Variants in IQSEC1 observed in about 807,000 individuals in gnomAD.
IQSEC1 encodes IQ motif and SEC7 domain-containing protein 1.
IQSEC1 carries 31 observed loss-of-function variants against 91.0 expected under a neutral mutation model. The observed-to-expected ratio is 0.34, with a 90% CI of 0.26 to 0.46. The LOEUF is 0.46. Among genes scored for constraint, IQSEC1 ranks in the 20% least tolerant of loss-of-function variants. The pLI, the probability that IQSEC1 is intolerant of heterozygous loss-of-function variation, is 1.00. For synonymous variants in IQSEC1, 699 were observed against 662.6 expected (o/e 1.05, Z -0.84); for missense variants, 1,388 against 1,575.6 (o/e 0.88, Z 2.02).
intron 1 of IQSEC1, among the ~76,000 whole-genome samples, chr3:13,236,852 C>A (rs1694937996): frequency 6.6e-6 from 1 of 152,230 alleles, no homozygotes; most frequent in African/African-American, 2.4e-5. Flanking sequence ...GCCCCACCCC[C>A]ACCCAGGGTA....
At chr3:13,263,118 T>C (rs994033871) in intron 1 of IQSEC1, among the ~76,000 whole-genome samples, 5 of 152,154 alleles carry the variant, frequency 3.3e-5, no homozygotes, top group African/African-American at 4.8e-5. Context: ...GGTGCAGTGG[T>C]ACATGCATGT....
chr3:12,997,361 C>T (rs184367810), intron 1 of IQSEC1, among the ~76,000 whole-genome samples: 9 of 152,164 alleles, frequency 5.9e-5, no homozygotes, highest in African/African-American at 9.7e-5. Flanking sequence ...ATATGTGAGG[C>T]GCTTTTACTT....
upstream of IQSEC1, among the ~76,000 whole-genome samples, chr3:13,074,924 TG>T (rs1262877964): frequency 6.6e-6 from 1 of 151,988 alleles, no homozygotes; most frequent in Admixed American, 6.6e-5. Flanking sequence ...GTGGCAGAGG[TG>T]GGACTAGGAC....
chr3:13,070,064 C>T (rs933989028), intron 1 of IQSEC1, among the ~76,000 whole-genome samples: 14 of 134,704 alleles, frequency 1.0e-4, no homozygotes, highest in Admixed American at 2.6e-4. Context: ...GTGGAAGTGG[C>T]GAAAATGGAG....
At chr3:13,186,833 T>C (rs1693941916) in intron 1 of IQSEC1, among the ~76,000 whole-genome samples, 1 of 152,132 alleles carries the variant, frequency 6.6e-6, no homozygotes, top group African/African-American at 2.4e-5. Context: ...GGAATGGTCT[T>C]ACCTGGATCC....
intron 1 of IQSEC1, among the ~76,000 whole-genome samples, chr3:12,961,321 G>A (rs1415362676): frequency 6.6e-6 from 1 of 152,222 alleles, no homozygotes; most frequent in African/African-American, 2.4e-5. Flanking sequence ...CTCACACATG[G>A]TGCAGGCCAT....
rs142644317 is a variant in IQSEC1, at chr3:13,030,845, G to T, written c.23+42147C>A. On this transcript the variant is annotated intron_variant, in intron 1 of 13. Coordinates refer to ENST00000613206, the MANE Select transcript of IQSEC1 (RefSeq NM_001134382.3). ...AGCATGAGGCGCAAAGCTGTGCCAC[G>T]CAGGCGTGGGATTCGCCTTACAACT... Among the ~76,000 whole-genome samples, 1,134 of 152,370 alleles carry T rather than the reference G, an allele frequency of 7.4e-3. 7 individuals carry two copies. The highest frequency in any genetic ancestry group is 0.011 in the Non-Finnish European group (752 of 68,042).
chr3:12,919,698 C>G (rs1229360153), intron 6 of IQSEC1, among the ~76,000 whole-genome samples: 2 of 152,260 alleles, frequency 1.3e-5, no homozygotes, highest in Non-Finnish European at 2.9e-5. Flanking sequence ...TCAACCCACC[C>G]TCAGCTCTTG....
At chr3:12,923,163 C>G (rs1197379695) in intron 4 of IQSEC1, among the ~76,000 whole-genome samples, 1 of 152,204 alleles carries the variant, frequency 6.6e-6, no homozygotes, top group Non-Finnish European at 1.5e-5. Flanking sequence ...GGAGCAGCGG[C>G]CCTGCAGATG....
At chr3:13,246,650 T>A (rs565315177) in intron 1 of IQSEC1, among the ~76,000 whole-genome samples, 2 of 152,350 alleles carry the variant, frequency 1.3e-5, no homozygotes, top group South Asian at 4.1e-4. Flanking sequence ...GCGTCTGAGC[T>A]ACCTGTGCCC....
chr3:13,052,651 C>A (rs191860613), intron 1 of IQSEC1, among the ~76,000 whole-genome samples: 158 of 152,320 alleles, frequency 1.0e-3, no homozygotes, highest in Non-Finnish European at 2.0e-3. Context: ...TGCCATCTCA[C>A]ACTCCCACCA....
chr3:12,984,466 A>G, intron 1 of IQSEC1, among the ~76,000 whole-genome samples: 1 of 152,172 alleles, frequency 6.6e-6, no homozygotes, highest in East Asian at 1.9e-4. Flanking sequence ...GCAGTGCACA[A>G]CCTGAGTATC....
At chr3:13,176,727 T>C (rs774784147) in intron 1 of IQSEC1, among the ~76,000 whole-genome samples, 6 of 152,206 alleles carry the variant, frequency 3.9e-5, no homozygotes, top group African/African-American at 9.7e-5. Context: ...CCAGGGCACC[T>C]GCCTGCCGGG....
chr3:13,265,099 GGTCTGGTCATGC>G (rs1401464401), intron 1 of IQSEC1, among the ~76,000 whole-genome samples: 1 of 152,186 alleles, frequency 6.6e-6, no homozygotes, highest in Non-Finnish European at 1.5e-5. Flanking sequence ...TGATCCAGAA[GGTCTGGTCATGC>G]GTCCCCTCAA....
At chr3:13,099,433 C>T (rs1490916372) in intron 2 of IQSEC1, among the ~76,000 whole-genome samples, 8 of 152,194 alleles carry the variant, frequency 5.3e-5, no homozygotes, top group Admixed American at 6.5e-5. Flanking sequence ...AGGCTACTTT[C>T]GAAAGAGTGA....
Position 12,899,150 on chromosome 3 carries a change from T to TA in IQSEC1, c.*1832dup. On this transcript the variant is annotated 3_prime_UTR_variant, in exon 14 of 14. Transcript: ENST00000613206. ...TTTGCTGGTACGGTGATCTCAATGATATGACCGAGGGTGGGAGGGATGTGA... is the reference window on the plus strand; with the variant it reads ...TTTGCTGGTACGGTGATCTCAATGATAATGACCGAGGGTGGGAGGGATGTGA... 5.3e-6 allele frequency: 3 copies of TA among 560,798 alleles called. No homozygotes were observed. The highest frequency in any genetic ancestry group is 6.3e-5 in the Admixed American group (2 of 31,866). The allele number at this position is 560,798 out of a possible 1,614,324, so 34.7% of individuals were successfully genotyped here.
At chr3:13,099,942 G>GCTGCT (rs1394850335) in intron 2 of IQSEC1, among the ~76,000 whole-genome samples, 1 of 149,830 alleles carries the variant, frequency 6.7e-6, no homozygotes, top group Non-Finnish European at 1.5e-5. Flanking sequence ...ACAGAGGGAG[G>GCTGCT]GATGGAGAGA....
chr3:12,908,682 G>C lies in IQSEC1; in HGVS notation c.2579-157C>G, dbSNP rs1313656189. Among the ~76,000 whole-genome samples, 1 of 151,858 alleles carries C rather than the reference G, an allele frequency of 6.6e-6. No homozygotes were observed. Among genetic ancestry groups the C allele is most frequent in the Admixed American group, 6.6e-5 (1 of 15,228 alleles). On this transcript the variant is annotated intron_variant, in intron 11 of 13. Coordinates refer to ENST00000613206, the MANE Select transcript of IQSEC1 (RefSeq NM_001134382.3). The surrounding 1 kb of genome is among the most constrained non-coding windows in gnomAD (Gnocchi z 4.9). ...GAAAGAGGGTGTGATGGCCACCCTG[G>C]ACAAAAGAGCAGAAAGGAGATCCCA... is the stretch of plus-strand genomic sequence containing the variant.
Position 12,926,015 on chromosome 3 carries a change from A to G in IQSEC1, c.1569-1273T>C, listed in dbSNP as rs563047078. On this transcript the variant is annotated intron_variant, in intron 3 of 13. Coordinates refer to ENST00000613206, the MANE Select transcript of IQSEC1 (RefSeq NM_001134382.3). Reference sequence around the variant, plus strand: ...ACCTGGCAGGGTGGTCCTGGTGGTCAAAGGGAGAGATTGGGCCAGGAGTGG... The same window carrying G: ...ACCTGGCAGGGTGGTCCTGGTGGTCGAAGGGAGAGATTGGGCCAGGAGTGG... Among the ~76,000 whole-genome samples, 5 of 152,286 alleles carry G rather than the reference A, an allele frequency of 3.3e-5. No homozygotes were observed. The East Asian group carries it at 7.7e-4, about 24-fold the overall frequency.
Sources: allele counts gnomAD v4.1 joint callset (sites outside exome capture counted in the v4.1 genomes callset), GRCh38; gene constraint gnomAD v4.1.1; non-coding constraint Gnocchi (gnomAD v3.1); transcripts MANE v1.5; gene names NCBI Gene and HGNC (gene_info 2026-07-23, HGNC 2026-07-21).